GBX1: variants seen among roughly 807,000 people sequenced by gnomAD.
GBX1 encodes homeobox protein GBX-1.
A neutral mutation model predicts 22.9 loss-of-function variants in GBX1; 9 were observed. The observed-to-expected ratio is 0.39, with a 90% confidence interval of 0.24 to 0.69. GBX1 has a LOEUF of 0.69. Ranked by LOEUF, GBX1 falls within the 30% of genes least tolerant of loss-of-function variation. The probability of loss-of-function intolerance (pLI) is 0.43; values close to 1 mark genes in which losing one functional copy is unlikely to be tolerated. For synonymous variants in GBX1, 203 were observed against 227.3 expected (o/e 0.89, Z 0.96); for missense variants, 494 against 509.2 (o/e 0.97, Z 0.29).
intron 1 of GBX1, among the ~76,000 whole-genome samples, chr7:151,165,008 C>A (rs1801234107): frequency 6.6e-6 from 1 of 151,932 alleles, no homozygotes; most frequent in Admixed American, 6.6e-5. Flanking sequence ...CACATACACA[C>A]ACACACTCAC....
At position 151,148,745 on chromosome 7, in the gene GBX1, T is replaced by A; in HGVS notation, c.936A>T (p.Arg312=). Residue 312 remains arginine (R), a synonymous_variant, in exon 2 of 2, where the codon CGA becomes CGT. Transcript: ENST00000297537. The surrounding 1 kb of genome is among the most constrained non-coding windows in gnomAD (Gnocchi z 5.1). ...EVQVKIWFQN[R]RAKWKRIKAG... is the part of the protein sequence containing the mutation. ...CTTTGATGCGCTTCCACTTGGCCCG[T>A]CGATTCTGAAACCAGATCTTGACCT... 6.2e-7 allele frequency: 1 copy of A among 1,614,140 alleles called. No homozygotes were observed. Among genetic ancestry groups the A allele is most frequent in the South Asian group, 1.1e-5 (1 of 91,076 alleles).
At chr7:151,150,429 A>G (rs1401550407) in intron 1 of GBX1, among the ~76,000 whole-genome samples, 2 of 152,220 alleles carry the variant, frequency 1.3e-5, no homozygotes, top group Non-Finnish European at 2.9e-5. Context: ...GCATACCTAT[A>G]TGTAGGAATG....
At chr7:151,163,335 C>G (rs1801207939) in intron 1 of GBX1, among the ~76,000 whole-genome samples, 1 of 152,024 alleles carries the variant, frequency 6.6e-6, no homozygotes, top group Non-Finnish European at 1.5e-5. Context: ...GCTTCCTGCT[C>G]TCTTCTCTCC....
intron 1 of GBX1, among the ~76,000 whole-genome samples, chr7:151,153,579 G>A (rs1466412825): frequency 3.3e-5 from 5 of 149,662 alleles, no homozygotes; most frequent in East Asian, 2.0e-4. Context: ...ACAGGCGCTC[G>A]CTCTGTCACC....
chr7:151,149,009 C>G lies in GBX1; in HGVS notation c.672G>C (p.Gly224=). The change falls in exon 2 of 2, where the codon GGG becomes GGC. Residue 224 remains glycine, a synonymous_variant. Transcript: ENST00000297537. ...TAGGTCCCAGAAGAGCCCCTGGGCC[C>G]CCTGCAGAACTGTCCAGGAAACCGT... ...EDDGFLDSSA[G]GPGALLGPKP... 6.2e-7 allele frequency: 1 copy of G among 1,613,994 alleles called. No individual in the cohort carries two copies. The highest frequency in any genetic ancestry group is 8.5e-7 in the Non-Finnish European group (1 of 1,180,012).
chr7:151,158,076 T>C (rs559775655), intron 1 of GBX1, among the ~76,000 whole-genome samples: 14 of 152,306 alleles, frequency 9.2e-5, no homozygotes, highest in African/African-American at 3.4e-4. Context: ...TCAGGTATTT[T>C]GCAGTTACAA....
Position 151,166,993 on chromosome 7 carries a change from G to A in GBX1, c.538+18C>T. 6.2e-7 allele frequency: 1 copy of A among 1,601,636 alleles called. No individual in the cohort carries two copies. The highest frequency in any genetic ancestry group is 8.5e-7 in the Non-Finnish European group (1 of 1,175,530). On this transcript the variant is annotated intron_variant, in intron 1 of 1. Coordinates refer to ENST00000297537, the MANE Select transcript of GBX1 (RefSeq NM_001098834.3). Reference sequence around the variant, plus strand: ...GTGAACCGGCCTCCCGCCAGCCCTGGTCGGCCCTAGCACTTACCGGGCAGA... The same window carrying A: ...GTGAACCGGCCTCCCGCCAGCCCTGATCGGCCCTAGCACTTACCGGGCAGA...
At chr7:151,160,859 G>A (rs1474870986) in intron 1 of GBX1, among the ~76,000 whole-genome samples, 3 of 152,088 alleles carry the variant, frequency 2.0e-5, no homozygotes, top group African/African-American at 4.8e-5. Flanking sequence ...GCCTTTTGTC[G>A]GTTATGAGCA....
chr7:151,150,077 TGAAGA>T (rs1265712117), intron 1 of GBX1: 4 of 374,656 alleles, frequency 1.1e-5, no homozygotes, highest in Non-Finnish European at 2.1e-5. Context: ...CAGGGACAAA[TGAAGA>T]GAAGGAAAGG....
At chr7:151,165,477 ACT>A (rs1297955888) in intron 1 of GBX1, among the ~76,000 whole-genome samples, 2 of 151,840 alleles carry the variant, frequency 1.3e-5, no homozygotes, top group Non-Finnish European at 2.9e-5. Context: ...GGCCTGTCTT[ACT>A]CTTTTTTCTG....
chr7:151,156,159 A>G (rs1228118945), intron 1 of GBX1, among the ~76,000 whole-genome samples: 5 of 151,966 alleles, frequency 3.3e-5, no homozygotes, highest in African/African-American at 1.2e-4. Flanking sequence ...CAAGGCGGGC[A>G]GATCACTTGA....
chr7:151,159,188 G>A (rs1801166782), intron 1 of GBX1, among the ~76,000 whole-genome samples: 1 of 151,648 alleles, frequency 6.6e-6, no homozygotes, highest in African/African-American at 2.4e-5. Flanking sequence ...AGGCTCAAGG[G>A]ATCCTCTTAC....
rs201650225 is a variant in GBX1 at position 151,167,092 on chromosome 7, G to C, written c.457C>G (p.Leu153Val). The stretch of plus-strand genomic sequence containing the variant: ...GCCACTTTCTCCCGGGCCGGCAGCA[G>C]CTCATCAGCTTCCAGCCCACCCTCT... ...RPEGGLEADE[L>V]LPAREKVAEP... The change falls in exon 1 of 2, where the codon CTG (leucine) becomes GTG (valine). Residue 153 changes from leucine (L) to valine (V), a missense_variant. Transcript: ENST00000297537. This position sits in a 1 kb window ranked among gnomAD's most constrained non-coding sequence, Gnocchi z 5.9. The C allele has an allele frequency of 1.2e-6, 2 of 1,604,646 alleles. No homozygotes were observed. The highest frequency in any genetic ancestry group is 2.3e-5 in the East Asian group (1 of 43,686).
At position 151,149,028 on chromosome 7, in the gene GBX1, A is replaced by G; in HGVS notation, c.653T>C (p.Phe218Ser). Residue 218 changes from phenylalanine to serine, a missense_variant, in exon 2 of 2, where the codon TTC becomes TCC. Physicochemically the swap from Phe to Ser is radical, Grantham distance 155. This residue lies in a region of GBX1 where 365 missense variants were observed against 340.4 expected (regional missense o/e 1.07). Coordinates refer to ENST00000297537, the MANE Select transcript of GBX1 (RefSeq NM_001098834.3). ...GSGGDSEDDG[F>S]LDSSAGGPGA... ...TGGGCCCCCTGCAGAACTGTCCAGGAAACCGTCATCCTCGCTGTCACCGCC... is the reference window on the plus strand; with the variant it reads ...TGGGCCCCCTGCAGAACTGTCCAGGGAACCGTCATCCTCGCTGTCACCGCC... The G allele has an allele frequency of 1.2e-6, 2 of 1,614,012 alleles. No individual in the cohort carries two copies. Among genetic ancestry groups the G allele is most frequent in the Non-Finnish European group, 1.7e-6 (2 of 1,180,026 alleles).
intron 1 of GBX1, among the ~76,000 whole-genome samples, chr7:151,154,603 G>A (rs1408569224): frequency 1.3e-5 from 2 of 152,312 alleles, no homozygotes; most frequent in African/African-American, 4.8e-5. Context: ...TTAGGAAACA[G>A]AGTTCATGTG....
chr7:151,148,530 C>T lies in GBX1; in HGVS notation c.*59G>A. On this transcript the variant is annotated 3_prime_UTR_variant, in exon 2 of 2. Coordinates refer to ENST00000297537, the MANE Select transcript of GBX1 (RefSeq NM_001098834.3). The surrounding 1 kb of genome is among the most constrained non-coding windows in gnomAD (Gnocchi z 5.1). ...GCCCCTCTGGTCCACAGAACCCTGACAGTCTCAGAGCAGGCTCAGGTACAG... is the reference window on the plus strand; with the variant it reads ...GCCCCTCTGGTCCACAGAACCCTGATAGTCTCAGAGCAGGCTCAGGTACAG... The T allele has an allele frequency of 1.3e-6, 2 of 1,494,370 alleles. No homozygotes were observed. The highest frequency in any genetic ancestry group is 1.3e-5 in the South Asian group (1 of 78,484). The allele number at this position is 1,494,370 out of a possible 1,614,324, so 92.6% of individuals were successfully genotyped here.
chr7:151,164,847 C>A (rs1435338015), intron 1 of GBX1, among the ~76,000 whole-genome samples: 1 of 123,078 alleles, frequency 8.1e-6, no homozygotes, highest in Non-Finnish European at 1.6e-5. Context: ...TATATAAATT[C>A]CAGTTTCCCC....
chr7:151,156,069 T>A (rs1299015721), intron 1 of GBX1, among the ~76,000 whole-genome samples: 1 of 152,104 alleles, frequency 6.6e-6, no homozygotes, highest in Non-Finnish European at 1.5e-5. Flanking sequence ...AATAACCTTC[T>A]TATCAAATCC....
In GBX1 at chr7:151,149,018, A is replaced by C. The variant is rs192479027; in HGVS notation, c.663T>G (p.Ser221Arg). The C allele has an allele frequency of 3.7e-6, 6 of 1,613,814 alleles. No individual in the cohort carries two copies. The Admixed American group carries it at 1.0e-4, about 27-fold the overall frequency. ...GAAGAGCCCCTGGGCCCCCTGCAGAACTGTCCAGGAAACCGTCATCCTCGC... is the reference window on the plus strand; with the variant it reads ...GAAGAGCCCCTGGGCCCCCTGCAGACCTGTCCAGGAAACCGTCATCCTCGC... ...GDSEDDGFLD[S>R]SAGGPGALLG... The change falls in exon 2 of 2, where the codon AGT becomes AGG. Residue 221 changes from serine to arginine, a missense_variant. Coordinates refer to ENST00000297537, the MANE Select transcript of GBX1 (RefSeq NM_001098834.3).
Sources: allele counts gnomAD v4.1 joint callset (sites outside exome capture counted in the v4.1 genomes callset), GRCh38; gene constraint gnomAD v4.1.1; regional missense constraint gnomAD v4.1.1; non-coding constraint Gnocchi (gnomAD v3.1); transcripts MANE v1.5; gene names NCBI Gene and HGNC (gene_info 2026-07-23, HGNC 2026-07-21).